Variants in PRDM16 observed in about 807,000 individuals in gnomAD.
PRDM16 encodes PR/SET domain 16, also known as histone-lysine N-methyltransferase PRDM16.
PRDM16 carries 23 observed loss-of-function variants against 110.6 expected under a neutral mutation model. The ratio of observed to expected loss-of-function variants is 0.21; its 90% CI spans 0.15 to 0.29. The LOEUF is 0.29. Among genes scored for constraint, PRDM16 ranks in the 10% least tolerant of loss-of-function variants. The pLI is 1.00. For missense variants in PRDM16, 1,615 were observed against 1,794.3 expected (o/e 0.90, Z 1.81); for synonymous variants, 799 against 781.8 (o/e 1.02, Z -0.37).
intron 3 of PRDM16, among the ~76,000 whole-genome samples, chr1:3,285,739 G>A (rs1640830633): frequency 6.6e-6 from 1 of 152,206 alleles, no homozygotes; most frequent in Non-Finnish European, 1.5e-5. Flanking sequence ...CCAGATGCCA[G>A]CCTTGCTCCC....
In PRDM16 at chr1:3,201,396, C is replaced by T. The variant is rs1468474420; in HGVS notation, c.387+14922C>T. Among the ~76,000 whole-genome samples, 1 of 152,162 alleles carries T rather than the reference C, an allele frequency of 6.6e-6. No homozygotes were observed. The highest frequency in any genetic ancestry group is 1.5e-5 in the Non-Finnish European group (1 of 68,018). On this transcript the variant is annotated intron_variant, in intron 2 of 16. Transcript: ENST00000270722. The surrounding 1 kb of genome is among the most constrained non-coding windows in gnomAD (Gnocchi z 4.1). ...GGTGTCCAGTCCCCAGAGAGGTGGC[C>T]TTCAAGTCCAGTAGCCCAAGCCACG...
chr1:3,413,823 C>T lies in PRDM16; in HGVS notation c.2604-737C>T, dbSNP rs754700374. ...GAGGGTCAGTGGATAGCCCTGCCCACGGCCTCTGTTTACCACAGGAGGTTT... is the reference window on the plus strand; with the variant it reads ...GAGGGTCAGTGGATAGCCCTGCCCATGGCCTCTGTTTACCACAGGAGGTTT... On this transcript the variant is annotated intron_variant, in intron 9 of 16. Coordinates refer to ENST00000270722, the MANE Select transcript of PRDM16 (RefSeq NM_022114.4). Among the ~76,000 whole-genome samples, 7 of 152,310 alleles carry T rather than the reference C, an allele frequency of 4.6e-5. No individual in the cohort carries two copies. In the South Asian group the frequency reaches 6.2e-4, roughly 14 times the overall value.
chr1:3,142,529 T>C (rs948467134), intron 1 of PRDM16, among the ~76,000 whole-genome samples: 40 of 151,786 alleles, frequency 2.6e-4, no homozygotes, highest in African/African-American at 9.4e-4. Flanking sequence ...AGCACAGGGA[T>C]CCTCCTCACC....
At chr1:3,286,793 C>T (rs948906322) in intron 3 of PRDM16, among the ~76,000 whole-genome samples, 1 of 152,206 alleles carries the variant, frequency 6.6e-6, no homozygotes, top group South Asian at 2.1e-4. Flanking sequence ...CAGAGGCACA[C>T]AGAGTGGAGG....
chr1:3,074,180 G>A (rs908320040), intron 1 of PRDM16, among the ~76,000 whole-genome samples: 22 of 152,336 alleles, frequency 1.4e-4, no homozygotes, highest in Admixed American at 1.2e-3. Context: ...TTGGGGGACA[G>A]GACACCTCCT....
At position 3,419,208 on chromosome 1, in the gene PRDM16, C is replaced by T. The variant is rs141077013; in HGVS notation, c.2939+464C>T. On this transcript the variant is annotated intron_variant, in intron 12 of 16. Coordinates refer to ENST00000270722, the MANE Select transcript of PRDM16 (RefSeq NM_022114.4). The stretch of plus-strand genomic sequence containing the variant: ...GTGGGCCAAAGGCAGAGTGAGACTC[C>T]GTGCAAATGCGGGTCCCCACCCCCC... 4.0e-4 allele frequency among the ~76,000 whole-genome samples: 61 copies of T among 152,308 alleles called. No homozygotes were observed. The East Asian group carries it at 4.3e-3, about 11-fold the overall frequency.
At position 3,425,829 on chromosome 1, in the gene PRDM16, G is replaced by C; in HGVS notation, c.3109+79G>C. 1 of 1,555,720 alleles carries C rather than the reference G, an allele frequency of 6.4e-7. No individual in the cohort carries two copies. Among genetic ancestry groups the C allele is most frequent in the South Asian group, 1.2e-5 (1 of 86,056 alleles). On this transcript the variant is annotated intron_variant, in intron 13 of 16. Coordinates refer to ENST00000270722, the MANE Select transcript of PRDM16 (RefSeq NM_022114.4). This position sits in a 1 kb window ranked among gnomAD's most constrained non-coding sequence, Gnocchi z 6.9. ...CAGAGGGGGAGGGGGAACAGCAGGGGAGTGGGCGCCGGGCAGGGAAGAGGG... is the reference window on the plus strand; with the variant it reads ...CAGAGGGGGAGGGGGAACAGCAGGGCAGTGGGCGCCGGGCAGGGAAGAGGG...
chr1:3,422,882 C>T (rs144929728), intron 12 of PRDM16, among the ~76,000 whole-genome samples: 18 of 152,320 alleles, frequency 1.2e-4, no homozygotes, highest in Middle Eastern at 3.4e-3. Flanking sequence ...CCCGGGTGCC[C>T]GGAGGCAGCT....
At chr1:3,345,808 C>T (rs1406543386) in intron 3 of PRDM16, among the ~76,000 whole-genome samples, 2 of 74,180 alleles carry the variant, frequency 2.7e-5, no homozygotes, top group Admixed American at 2.2e-4. Context: ...CCCCTTGGTT[C>T]CTCCTGTGCT....
At position 3,243,954 on chromosome 1, in the gene PRDM16, T is replaced by C. The variant is rs1288346276; in HGVS notation, c.388-133T>C. The stretch of plus-strand genomic sequence containing the variant: ...GTGATCAATGGAACCCTTCATTTCC[T>C]GCTGTGGAGAAGCCACTGGGTCCCA... On this transcript the variant is annotated intron_variant, in intron 2 of 16. Transcript: ENST00000270722. This position sits in a 1 kb window ranked among gnomAD's most constrained non-coding sequence, Gnocchi z 5.5. 7.4e-6 allele frequency: 6 copies of C among 811,710 alleles called. No homozygotes were observed. Among genetic ancestry groups the C allele is most frequent in the Non-Finnish European group, 1.3e-5 (6 of 473,412 alleles). 50.3% of individuals were successfully genotyped at this position (811,710 alleles called of 1,614,324 possible). A position where few individuals can be genotyped will look rare whatever the true frequency, so the allele number is the denominator to read the frequency against.
chr1:3,319,360 C>T (rs1025257149), intron 3 of PRDM16, among the ~76,000 whole-genome samples: 8 of 152,224 alleles, frequency 5.3e-5, no homozygotes, highest in Non-Finnish European at 1.2e-4. Context: ...TTTATTCTGA[C>T]GTCCTTGGGT....
At chr1:3,428,973 C>G (rs1267239524) in intron 14 of PRDM16, among the ~76,000 whole-genome samples, 1 of 152,234 alleles carries the variant, frequency 6.6e-6, no homozygotes. Context: ...GATGCGCCTC[C>G]CAGCCAAGGG....
intron 3 of PRDM16, among the ~76,000 whole-genome samples, chr1:3,267,396 C>T (rs1439256075): frequency 6.6e-6 from 1 of 152,204 alleles, no homozygotes; most frequent in African/African-American, 2.4e-5. Context: ...GGGGCCACAC[C>T]TTTTCTATCC....
chr1:3,341,051 C>T (rs951516220), intron 3 of PRDM16, among the ~76,000 whole-genome samples: 3 of 132,612 alleles, frequency 2.3e-5, no homozygotes, highest in Non-Finnish European at 5.2e-5. Context: ...CGCTCCTTGG[C>T]CAAGTTGCTG....
chr1:3,236,008 G>A (rs918878237), intron 2 of PRDM16, among the ~76,000 whole-genome samples: 2 of 152,176 alleles, frequency 1.3e-5, no homozygotes, highest in African/African-American at 2.4e-5. Flanking sequence ...AGGTCTGAAC[G>A]TGGTAACCTG....
intron 3 of PRDM16, among the ~76,000 whole-genome samples, chr1:3,351,385 C>T (rs944554977): frequency 2.0e-5 from 3 of 151,792 alleles, no homozygotes; most frequent in Non-Finnish European, 4.4e-5. Flanking sequence ...ACGTGGGGTC[C>T]CAGAATTTCT....
chr1:3,074,082 T>C (rs1641834209), intron 1 of PRDM16, among the ~76,000 whole-genome samples: 1 of 152,138 alleles, frequency 6.6e-6, no homozygotes, highest in South Asian at 2.1e-4. Context: ...GGGTCTGGCT[T>C]TCCAGGGTAG....
chr1:3,422,134 C>A (rs1030982011), intron 12 of PRDM16, among the ~76,000 whole-genome samples: 2 of 148,412 alleles, frequency 1.3e-5, no homozygotes, highest in African/African-American at 5.0e-5. Flanking sequence ...GACAGGCAGG[C>A]AGACAGGCAG....
At chr1:3,099,066 G>C (rs988555247) in intron 1 of PRDM16, among the ~76,000 whole-genome samples, 3 of 152,172 alleles carry the variant, frequency 2.0e-5, no homozygotes, top group Non-Finnish European at 2.9e-5. Context: ...GAGCGGTGGG[G>C]GCCGTGTGGG....
Sources: gnomAD v4.1 joint callset for allele counts (sites outside exome capture counted in the v4.1 genomes callset) on GRCh38, gnomAD v4.1.1 for gene constraint, Gnocchi (gnomAD v3.1) non-coding constraint, MANE v1.5 for transcripts, NCBI Gene and HGNC (gene_info 2026-07-23, HGNC 2026-07-21) for gene names.